The following FHIT variants were observed in gnomAD, a reference collection of about 807,000 sequenced individuals.
FHIT encodes the protein fragile histidine triad diadenosine triphosphatase.
FHIT carries 19 observed loss-of-function variants against 17.9 expected under a neutral mutation model. That is an observed-to-expected ratio of 1.06 (90% confidence interval 0.74 to 1.56). The LOEUF is 1.56. FHIT is among the 40% of genes most tolerant of loss of function. The pLI is 0.00. For synonymous variants in FHIT, 81 were observed against 69.7 expected (o/e 1.16, Z -0.81); for missense variants, 248 against 189.2 (o/e 1.31, Z -1.82).
intron 4 of FHIT, among the ~76,000 whole-genome samples, chr3:60,653,461 CAGG>C (rs1357023694): frequency 4.0e-5 from 6 of 151,840 alleles, no homozygotes; most frequent in Middle Eastern, 3.2e-3. Flanking sequence ...ATGAACAATT[CAGG>C]AGGTCTAAGG....
intron 5 of FHIT, among the ~76,000 whole-genome samples, chr3:60,200,437 C>T (rs916919992): frequency 6.6e-6 from 1 of 152,122 alleles, no homozygotes; most frequent in Non-Finnish European, 1.5e-5. Context: ...TGACCTCCCC[C>T]TTCTCTAGGA....
intron 5 of FHIT, among the ~76,000 whole-genome samples, chr3:60,278,329 T>G (rs1707265677): frequency 6.6e-6 from 1 of 152,192 alleles, no homozygotes; most frequent in Non-Finnish European, 1.5e-5. Context: ...GGAAGCTATT[T>G]TACCAGAGTT....
chr3:60,509,358 C>A (rs2034856873), intron 5 of FHIT, among the ~76,000 whole-genome samples: 1 of 152,222 alleles, frequency 6.6e-6, no homozygotes, highest in Non-Finnish European at 1.5e-5. Flanking sequence ...CTTCCCATAG[C>A]TTTCCAATCT....
intron 5 of FHIT, among the ~76,000 whole-genome samples, chr3:60,017,133 T>G (rs965057470): frequency 5.9e-5 from 9 of 152,214 alleles, no homozygotes; most frequent in African/African-American, 2.2e-4. Context: ...TAGCCTCTTA[T>G]TAAAACTGTG....
At chr3:60,071,268 C>T (rs1449238918) in intron 5 of FHIT, among the ~76,000 whole-genome samples, 1 of 152,112 alleles carries the variant, frequency 6.6e-6, no homozygotes, top group African/African-American at 2.4e-5. Flanking sequence ...TGAAAGAATC[C>T]TATTCATAAT....
chr3:60,242,725 C>A (rs1705195575), intron 5 of FHIT, among the ~76,000 whole-genome samples: 1 of 152,024 alleles, frequency 6.6e-6, no homozygotes, highest in Admixed American at 6.6e-5. Flanking sequence ...TTTGCCCCTT[C>A]TTCTCTCTTT....
intron 4 of FHIT, among the ~76,000 whole-genome samples, chr3:60,719,885 T>C (rs181284110): frequency 9.3e-4 from 142 of 152,302 alleles, no homozygotes; most frequent in African/African-American, 3.1e-3. Context: ...GCTGTTCTCA[T>C]TTCTCTCCAG....
intron 4 of FHIT, among the ~76,000 whole-genome samples, chr3:60,559,108 T>C (rs1386874691): frequency 6.6e-6 from 1 of 152,224 alleles, no homozygotes; most frequent in Non-Finnish European, 1.5e-5. Context: ...GATTGTGATA[T>C]AATTTTTAAA....
chr3:60,512,622 C>A (rs1039487278), intron 5 of FHIT, among the ~76,000 whole-genome samples: 5 of 152,178 alleles, frequency 3.3e-5, no homozygotes, highest in Non-Finnish European at 7.4e-5. Context: ...CATCAACTAA[C>A]CAAATGGTGA....
At chr3:60,727,966 C>T (rs1395548443) in intron 4 of FHIT, among the ~76,000 whole-genome samples, 5 of 152,074 alleles carry the variant, frequency 3.3e-5, no homozygotes, top group Non-Finnish European at 7.4e-5. Context: ...ATCACGCCAC[C>T]GCACTCCAGC....
At chr3:60,007,191 T>G (rs1392698774) in intron 7 of FHIT, among the ~76,000 whole-genome samples, 1 of 152,148 alleles carries the variant, frequency 6.6e-6, no homozygotes, top group Non-Finnish European at 1.5e-5. Flanking sequence ...ACATACCAAT[T>G]GTTCTAAAAG....
At chr3:59,900,623 G>GTT (rs11425296) in intron 8 of FHIT, among the ~76,000 whole-genome samples, 3 of 151,608 alleles carry the variant, frequency 2.0e-5, no homozygotes, top group African/African-American at 7.3e-5. Flanking sequence ...GTTGTTGTTT[G>GTT]TTTTTTTTGA....
intron 4 of FHIT, among the ~76,000 whole-genome samples, chr3:60,597,153 G>A (rs139303010): frequency 0.026 from 3,882 of 152,090 alleles, 64 homozygotes; most frequent in Middle Eastern, 0.048. Context: ...TAATGGTTGG[G>A]GGAGGAGAAA....
chr3:60,804,676 TA>T (rs1336567343), intron 4 of FHIT, among the ~76,000 whole-genome samples: 3 of 152,236 alleles, frequency 2.0e-5, no homozygotes, highest in Admixed American at 2.0e-4. Flanking sequence ...TCCCTTTGCA[TA>T]AGCTGCATTT....
chr3:60,400,102 G>A (rs996515268), intron 5 of FHIT, among the ~76,000 whole-genome samples: 3 of 152,132 alleles, frequency 2.0e-5, no homozygotes, highest in Admixed American at 6.5e-5. Flanking sequence ...GCTCTTTTAG[G>A]TAGGATTGCT....
intron 3 of FHIT, among the ~76,000 whole-genome samples, chr3:60,892,063 C>T (rs915958701): frequency 3.3e-5 from 5 of 152,012 alleles, no homozygotes; most frequent in African/African-American, 1.2e-4. Flanking sequence ...GGATCTGTTG[C>T]CAGAGTATGT....
intron 5 of FHIT, among the ~76,000 whole-genome samples, chr3:60,293,880 G>A (rs966260694): frequency 2.6e-5 from 4 of 152,140 alleles, no homozygotes; most frequent in Non-Finnish European, 5.9e-5. Context: ...ATCATTATGG[G>A]AGGTAAACCA....
chr3:60,445,481 G>GAAA, intron 5 of FHIT, among the ~76,000 whole-genome samples: 1 of 147,414 alleles, frequency 6.8e-6, no homozygotes, highest in East Asian at 2.0e-4. Context: ...AGAAGAAGAA[G>GAAA]AAAAAAAAAA....
chr3:61,170,787 G>T (rs2037981123), intron 2 of FHIT, among the ~76,000 whole-genome samples: 1 of 152,032 alleles, frequency 6.6e-6, no homozygotes, highest in African/African-American at 2.4e-5. Flanking sequence ...TAGGCATTTA[G>T]GTTGATTCCA....
Sources: allele counts gnomAD v4.1 joint callset (sites outside exome capture counted in the v4.1 genomes callset), GRCh38; gene constraint gnomAD v4.1.1; transcripts MANE v1.5; gene names NCBI Gene and HGNC (gene_info 2026-07-23, HGNC 2026-07-21).